RSRC1: variants seen among roughly 807,000 people sequenced by gnomAD.
RSRC1 encodes the protein arginine and serine rich coiled-coil 1, also known as serine/Arginine-related protein 53.
In RSRC1, 39 loss-of-function variants were observed where a neutral mutation model predicts 49.1. The observed-to-expected ratio is 0.79, with a 90% CI of 0.61 to 1.04. RSRC1 has a LOEUF of 1.04. RSRC1 is among the 50% of genes least tolerant of loss of function. RSRC1 has a pLI of 0.00. For synonymous variants in RSRC1, 143 were observed against 130.8 expected, an observed-to-expected ratio of 1.09 and a Z score of -0.63; for missense variants, 388 against 402.4, an observed-to-expected ratio of 0.96 and a Z score of 0.31.
In RSRC1 at chr3:158,202,997, T is replaced by C; in HGVS notation, c.321-75T>C. ...CTAAAACTAAGTAGTTTTTTTCAGA[T>C]AATTTAAAAGAGTATTTACTTTTCA... On this transcript the variant is annotated intron_variant, in intron 3 of 9. Coordinates refer to ENST00000611884, the MANE Select transcript of RSRC1 (RefSeq NM_001271838.2). 4.2e-6 allele frequency: 5 copies of C among 1,202,052 alleles called. No homozygotes were observed. The East Asian group carries it at 1.3e-4, about 31-fold the overall frequency. 74.5% of individuals were successfully genotyped at this position (1,202,052 alleles called of 1,614,324 possible). A position where few individuals can be genotyped will look rare whatever the true frequency, so the allele number is the denominator to read the frequency against.
intron 7 of RSRC1, among the ~76,000 whole-genome samples, chr3:158,488,430 CATTTA>C (rs1738923144): frequency 6.6e-6 from 1 of 152,002 alleles, no homozygotes; most frequent in African/African-American, 2.4e-5. Flanking sequence ...ACTGTTTTAT[CATTTA>C]ATTTCTCTGT....
intron 4 of RSRC1, among the ~76,000 whole-genome samples, chr3:158,283,686 TG>T (rs1726315952): frequency 6.6e-6 from 1 of 152,150 alleles, no homozygotes; most frequent in Non-Finnish European, 1.5e-5. Flanking sequence ...ATTAATATTT[TG>T]TGAATGTGTC....
chr3:158,144,463 CTCA>C (rs1277268712), intron 3 of RSRC1, among the ~76,000 whole-genome samples: 1 of 152,154 alleles, frequency 6.6e-6, no homozygotes, highest in Non-Finnish European at 1.5e-5. Flanking sequence ...AGGACATGAA[CTCA>C]TCATTTTTTA....
intron 4 of RSRC1, among the ~76,000 whole-genome samples, chr3:158,276,796 G>A (rs954113777): frequency 2.0e-5 from 3 of 152,046 alleles, no homozygotes; most frequent in African/African-American, 7.2e-5. Flanking sequence ...ACTTATATCT[G>A]TCATTTGGAT....
chr3:158,480,405 A>C (rs1738560379), intron 7 of RSRC1, among the ~76,000 whole-genome samples: 2 of 152,026 alleles, frequency 1.3e-5, no homozygotes, highest in Admixed American at 6.6e-5. Context: ...TAATTTATTT[A>C]AAGTCAAAAA....
chr3:158,461,412 A>G (rs1737604090), intron 7 of RSRC1, among the ~76,000 whole-genome samples: 1 of 151,892 alleles, frequency 6.6e-6, no homozygotes, highest in Non-Finnish European at 1.5e-5. Context: ...ATTGAAATTC[A>G]AAATGTCATA....
At chr3:158,155,404 T>C (rs1440747972) in intron 3 of RSRC1, among the ~76,000 whole-genome samples, 1 of 152,064 alleles carries the variant, frequency 6.6e-6, no homozygotes, top group Non-Finnish European at 1.5e-5. Context: ...AGCTCTTGGG[T>C]GACTAGATAC....
chr3:158,118,106 C>T (rs1027580542), intron 1 of RSRC1, among the ~76,000 whole-genome samples: 5 of 151,956 alleles, frequency 3.3e-5, no homozygotes, highest in African/African-American at 7.3e-5. Flanking sequence ...TGCATCACCA[C>T]GTCCAGCTAA....
chr3:158,498,104 G>C (rs2108456386), intron 7 of RSRC1, among the ~76,000 whole-genome samples: 1 of 152,262 alleles, frequency 6.6e-6, no homozygotes, highest in South Asian at 2.1e-4. Flanking sequence ...GGGATTGCTG[G>C]ATCAAATGGT....
At chr3:158,462,588 TTATGAAAAAAA>T (rs1207746542) in intron 7 of RSRC1, among the ~76,000 whole-genome samples, 2 of 151,956 alleles carry the variant, frequency 1.3e-5, no homozygotes, top group African/African-American at 4.8e-5. Flanking sequence ...TGATTTGTTT[TTATGAAAAAAA>T]TAATATGAAT....
At chr3:158,423,331 G>A (rs1265472076) in intron 6 of RSRC1, among the ~76,000 whole-genome samples, 1 of 152,028 alleles carries the variant, frequency 6.6e-6, no homozygotes, top group Non-Finnish European at 1.5e-5. Flanking sequence ...TATTAAATAG[G>A]GAATCCTTTC....
At chr3:158,240,640 G>T (rs1191057469) in intron 4 of RSRC1, among the ~76,000 whole-genome samples, 4 of 152,006 alleles carry the variant, frequency 2.6e-5, no homozygotes, top group African/African-American at 9.7e-5. Flanking sequence ...CTTATCTGTG[G>T]TTTTGCTTTC....
At chr3:158,519,893 G>T (rs1252701949) in intron 7 of RSRC1, among the ~76,000 whole-genome samples, 1 of 152,084 alleles carries the variant, frequency 6.6e-6, no homozygotes, top group African/African-American at 2.4e-5. Flanking sequence ...GAGCCTTGGA[G>T]TACTCTAATG....
At chr3:158,122,356 GT>G in intron 2 of RSRC1, 58 bp downstream of exon 2, 1 of 1,215,622 alleles carries the variant, frequency 8.2e-7, no homozygotes, top group Non-Finnish European at 1.1e-6. Flanking sequence ...TAAAATTCAT[GT>G]TTTTGTATTT....
intron 7 of RSRC1, among the ~76,000 whole-genome samples, chr3:158,484,807 A>C (rs1020893735): frequency 3.3e-5 from 5 of 152,136 alleles, no homozygotes; most frequent in African/African-American, 1.2e-4. Flanking sequence ...AAATGGTGAG[A>C]AAGCTCATCT....
chr3:158,489,767 GT>G (rs1316436207), intron 7 of RSRC1, among the ~76,000 whole-genome samples: 2 of 151,998 alleles, frequency 1.3e-5, no homozygotes, highest in African/African-American at 4.8e-5. Flanking sequence ...TGAATACATT[GT>G]TGTAGCTTTT....
chr3:158,478,730 CA>C, intron 7 of RSRC1, among the ~76,000 whole-genome samples: 1 of 151,906 alleles, frequency 6.6e-6, no homozygotes, highest in South Asian at 2.1e-4. Flanking sequence ...CTAAAGAGGC[CA>C]GGAAAACCTA....
At chr3:158,370,298 G>A (rs1270424202) in intron 6 of RSRC1, among the ~76,000 whole-genome samples, 1 of 151,936 alleles carries the variant, frequency 6.6e-6, no homozygotes, top group Non-Finnish European at 1.5e-5. Context: ...CCAGTATTTA[G>A]TATAAAATTT....
intron 5 of RSRC1, among the ~76,000 whole-genome samples, chr3:158,322,449 A>G (rs2108169897): frequency 6.6e-6 from 1 of 152,256 alleles, no homozygotes; most frequent in Admixed American, 6.5e-5. Context: ...GGTCTGCATT[A>G]TTTCTGTTGA....
Sources: allele counts gnomAD v4.1 joint callset (sites outside exome capture counted in the v4.1 genomes callset), GRCh38; gene constraint gnomAD v4.1.1; transcripts MANE v1.5; gene names NCBI Gene and HGNC (gene_info 2026-07-23, HGNC 2026-07-21).